Variants in SMCO2 observed in about 807,000 individuals in gnomAD.
The protein encoded by SMCO2 is single-pass membrane protein with coiled-coil domains 2.
In SMCO2, 25 loss-of-function variants were observed where a neutral mutation model predicts 29.5. The ratio of observed to expected loss-of-function variants is 0.85; its 90% confidence interval spans 0.62 to 1.18. SMCO2 has a LOEUF of 1.18. Ranked by LOEUF, SMCO2 falls within the 50% of genes most tolerant of loss-of-function variation. SMCO2 has a pLI of 0.00. For missense variants in SMCO2, 348 were observed against 344.5 expected (o/e 1.01, Z -0.08); for synonymous variants, 117 against 123.3 (o/e 0.95, Z 0.34).
chr12:27,466,708 G>A (rs1949501092), upstream of SMCO2: 1 of 152,526 alleles, frequency 6.6e-6, no homozygotes, highest in African/African-American at 2.4e-5. Context: ...CAAGGTAGAA[G>A]CCAGTCAGGA....
At chr12:27,443,255 A>C in the SMCO2 span, among the ~76,000 whole-genome samples, 4 of 152,242 alleles carry the variant, frequency 2.6e-5, no homozygotes, top group Admixed American at 2.6e-4. Context: ...TGGAATTAAG[A>C]ATAAAAACCA....
chr12:27,454,396 G>A, the SMCO2 span, among the ~76,000 whole-genome samples: 345 of 152,202 alleles, frequency 2.3e-3, no homozygotes, highest in African/African-American at 7.9e-3. Context: ...TATCTTCAGA[G>A]CACCTTTTTG....
intron 4 of SMCO2, among the ~76,000 whole-genome samples, 167 bp from the exon 6 acceptor site, chr12:27,488,293 G>A (rs1258333965): frequency 6.6e-6 from 1 of 151,988 alleles, no homozygotes; most frequent in Non-Finnish European, 1.5e-5. Flanking sequence ...ATTACTTAGA[G>A]TACTTTTTAC....
chr12:27,464,759 C>A (rs1448055862), upstream of SMCO2, among the ~76,000 whole-genome samples: 1 of 143,368 alleles, frequency 7.0e-6, no homozygotes, highest in South Asian at 2.2e-4. Context: ...TGGTGGCTCA[C>A]GCCTGTAATC....
the SMCO2 span, among the ~76,000 whole-genome samples, chr12:27,426,234 A>T: frequency 3.9e-5 from 6 of 152,234 alleles, no homozygotes; most frequent in Admixed American, 2.0e-4. Context: ...GACCAATTGC[A>T]TATGGGAAAT....
intron 5 of SMCO2, among the ~76,000 whole-genome samples, chr12:27,490,019 C>T (rs1032347406): frequency 2.6e-5 from 4 of 152,070 alleles, no homozygotes; most frequent in South Asian, 2.1e-4. Flanking sequence ...CACACATATA[C>T]GGAAATTCTC....
At chr12:27,483,839 T>A (rs1949665459) in intron 4 of SMCO2, among the ~76,000 whole-genome samples, 1 of 152,246 alleles carries the variant, frequency 6.6e-6, no homozygotes, top group Non-Finnish European at 1.5e-5. Flanking sequence ...CTTCTATGTC[T>A]GTTCTCCCGG....
upstream of SMCO2, chr12:27,466,739 C>T (rs1443458072): frequency 6.6e-6 from 1 of 152,366 alleles, no homozygotes; most frequent in Non-Finnish European, 1.5e-5. Flanking sequence ...CACCTAGAAT[C>T]TTGTGAGAGG....
At chr12:27,489,754 A>G (rs1949719885) in intron 5 of SMCO2, among the ~76,000 whole-genome samples, 1 of 152,168 alleles carries the variant, frequency 6.6e-6, no homozygotes, top group Non-Finnish European at 1.5e-5. Context: ...AGTTTTTTTC[A>G]CTATCTTTGG....
At chr12:27,477,276 C>A (rs537504889) in intron 4 of SMCO2, among the ~76,000 whole-genome samples, 1 of 140,108 alleles carries the variant, frequency 7.1e-6, no homozygotes, top group Non-Finnish European at 1.5e-5. Context: ...TCTCTCCTTG[C>A]CTATAAGATT....
chr12:27,456,395 A>G, the SMCO2 span, among the ~76,000 whole-genome samples: 1 of 152,158 alleles, frequency 6.6e-6, no homozygotes, highest in South Asian at 2.1e-4. Context: ...TAAAGTCTGT[A>G]TATTTTTATA....
chr12:27,477,634 C>CTT (rs3051833), intron 4 of SMCO2, among the ~76,000 whole-genome samples: 9,938 of 109,526 alleles, frequency 0.091, 1,153 homozygotes, highest in East Asian at 0.28. Context: ...CTTTTTCATT[C>CTT]TTTTTTTTTT....
the SMCO2 span, among the ~76,000 whole-genome samples, chr12:27,459,892 A>C: frequency 2.0e-5 from 3 of 152,224 alleles, no homozygotes; most frequent in Non-Finnish European, 2.9e-5. Context: ...GATGAAAAAG[A>C]GGCAGGAAAA....
intron 4 of SMCO2, among the ~76,000 whole-genome samples, chr12:27,478,671 G>T (rs1017927604): frequency 5.3e-5 from 8 of 152,172 alleles, no homozygotes; most frequent in African/African-American, 1.9e-4. Context: ...ACACATAGGT[G>T]CAGGCAGCAG....
the SMCO2 span, among the ~76,000 whole-genome samples, chr12:27,437,116 A>G: frequency 6.6e-5 from 10 of 152,192 alleles, no homozygotes; most frequent in Non-Finnish European, 7.3e-5. Context: ...AACTTAAAAC[A>G]TAAGTGGGGC....
the SMCO2 span, among the ~76,000 whole-genome samples, chr12:27,453,721 G>C: frequency 6.6e-6 from 1 of 152,166 alleles, no homozygotes; most frequent in Non-Finnish European, 1.5e-5. Flanking sequence ...CTGCCCCAGG[G>C]AGCTGAATTC....
At chr12:27,464,162 C>A (rs766987200), upstream of SMCO2, among the ~76,000 whole-genome samples, 1 of 152,142 alleles carries the variant, frequency 6.6e-6, no homozygotes, top group Non-Finnish European at 1.5e-5. Context: ...CATGCTTTCT[C>A]TGAGATAGAA....
the SMCO2 span, among the ~76,000 whole-genome samples, chr12:27,445,386 A>G: frequency 6.6e-6 from 1 of 152,202 alleles, no homozygotes; most frequent in African/African-American, 2.4e-5. Flanking sequence ...TCCATGCACT[A>G]TTTGGCATAT....
chr12:27,472,917 C>T, intron 3 of SMCO2, 42 bp downstream of exon 3: 1 of 1,397,782 alleles, frequency 7.2e-7, no homozygotes, highest in Non-Finnish European at 9.9e-7. Flanking sequence ...TTAAATGACA[C>T]AGTAGGTTGA....
Sources: gnomAD v4.1 joint callset for allele counts (sites outside exome capture counted in the v4.1 genomes callset) on GRCh38, gnomAD v4.1.1 for gene constraint, MANE v1.5 for transcripts, NCBI Gene and HGNC (gene_info 2026-07-23, HGNC 2026-07-21) for gene names.